Variants in RBM47 observed in about 807,000 individuals in gnomAD.
RBM47 encodes the protein RNA-binding protein 47.
Under a neutral mutation model 47.1 loss-of-function variants are expected in RBM47, and 21 were observed. That is an observed-to-expected ratio of 0.45 (90% confidence interval 0.32 to 0.64). RBM47 has a LOEUF of 0.64. Among genes scored for constraint, RBM47 ranks in the 30% least tolerant of loss-of-function variants. The probability of loss-of-function intolerance (pLI) is 0.05; values close to 1 mark genes in which losing one functional copy is unlikely to be tolerated. For synonymous variants in RBM47, 375 were observed against 361.7 expected, an observed-to-expected ratio of 1.04 and a Z score of -0.42; for missense variants, 708 against 870.9, an observed-to-expected ratio of 0.81 and a Z score of 2.35.
At chr4:40,459,418 G>C (rs1039516697) in intron 3 of RBM47, among the ~76,000 whole-genome samples, 2 of 152,046 alleles carry the variant, frequency 1.3e-5, no homozygotes, top group African/African-American at 2.4e-5. Context: ...TTTTGTGGGA[G>C]AGCCGTGCAT....
At chr4:40,539,089 T>C (rs1319425747) in intron 2 of RBM47, among the ~76,000 whole-genome samples, 1 of 152,212 alleles carries the variant, frequency 6.6e-6, no homozygotes, top group East Asian at 1.9e-4. Context: ...AATTAAATTA[T>C]AGGCCACTTT....
intron 1 of RBM47, among the ~76,000 whole-genome samples, chr4:40,610,610 CAAAA>C (rs34149753): frequency 5.7e-5 from 3 of 52,804 alleles, no homozygotes; most frequent in Non-Finnish European, 8.6e-5. Flanking sequence ...GACTCCATCT[CAAAA>C]AAAAAAAAAA....
At chr4:40,575,951 A>C (rs1732255914) in intron 1 of RBM47, among the ~76,000 whole-genome samples, 1 of 152,214 alleles carries the variant, frequency 6.6e-6, no homozygotes, top group Non-Finnish European at 1.5e-5. Context: ...GGAAGCCCAG[A>C]AGAAATGGGG....
chr4:40,449,010 C>T (rs1345859824), intron 3 of RBM47, among the ~76,000 whole-genome samples: 1 of 152,184 alleles, frequency 6.6e-6, no homozygotes, highest in Non-Finnish European at 1.5e-5. Flanking sequence ...TATCTTACTG[C>T]CTTGGTCCAA....
intron 2 of RBM47, among the ~76,000 whole-genome samples, chr4:40,532,308 CA>C (rs1727472992): frequency 1.8e-5 from 2 of 111,884 alleles, no homozygotes; most frequent in African/African-American, 7.7e-5. Context: ...CCACGCCCGG[CA>C]TTTTTTTTTT....
chr4:40,590,178 G>A (rs1283485246), intron 1 of RBM47, among the ~76,000 whole-genome samples: 1 of 152,162 alleles, frequency 6.6e-6, no homozygotes, highest in Non-Finnish European at 1.5e-5. Context: ...CTAGACGTGT[G>A]CACGCCTGTG....
chr4:40,476,640 A>G (rs1442488612), intron 2 of RBM47, among the ~76,000 whole-genome samples: 8 of 152,112 alleles, frequency 5.3e-5, no homozygotes, highest in Non-Finnish European at 4.4e-5. Context: ...TATGGGATGG[A>G]ACCTCATCGA....
At chr4:40,630,450 G>C (rs1738127912), upstream of RBM47, 1 of 152,190 alleles carries the variant, frequency 6.6e-6, no homozygotes, top group Non-Finnish European at 1.5e-5. Context: ...GCGAGCTCCC[G>C]GGGCGTCCTT....
chr4:40,499,909 C>CTA (rs1723114868), intron 2 of RBM47, among the ~76,000 whole-genome samples: 2 of 152,202 alleles, frequency 1.3e-5, no homozygotes, highest in Non-Finnish European at 2.9e-5. Context: ...TTATAACCCT[C>CTA]TATAAACTTT....
chr4:40,583,863 AAAAAAAAC>A (rs1020545382), intron 1 of RBM47, among the ~76,000 whole-genome samples: 9 of 130,112 alleles, frequency 6.9e-5, no homozygotes, highest in East Asian at 2.1e-4. Context: ...GTCTCAAAAA[AAAAAAAAC>A]AAAAAACAAA....
chr4:40,535,866 A>T (rs1190947161), intron 2 of RBM47, among the ~76,000 whole-genome samples: 1 of 151,064 alleles, frequency 6.6e-6, no homozygotes, highest in Non-Finnish European at 1.5e-5. Context: ...CCTCGTATAT[A>T]TTTTTTTTCC....
intron 1 of RBM47, among the ~76,000 whole-genome samples, chr4:40,606,197 CA>C (rs373716711): frequency 6.6e-5 from 7 of 106,596 alleles, no homozygotes; most frequent in Non-Finnish European, 9.8e-5. Context: ...GACGTCATCT[CA>C]AAAAAAAAAC....
intron 1 of RBM47, among the ~76,000 whole-genome samples, chr4:40,570,601 T>C (rs765983178): frequency 6.6e-5 from 10 of 151,888 alleles, no homozygotes; most frequent in South Asian, 2.1e-4. Flanking sequence ...GAACCCCTGA[T>C]CTAAAGGGCG....
Position 40,423,475 on chromosome 4 carries a change from C to T in RBM47, c.*2429G>A. On this transcript the variant is annotated 3_prime_UTR_variant, in exon 7 of 7. Transcript: ENST00000295971. ...CTTAACACTAAAAAAAAAAAAAGTT[C>T]ACATTTCAAGTTATAAACTTACCTC... The T allele has an allele frequency of 6.7e-6, 1 of 150,084 alleles. No homozygotes were observed. 9.3% of individuals were successfully genotyped at this position (150,084 alleles called of 1,614,324 possible). A position where few individuals can be genotyped will look rare whatever the true frequency, so the allele number is the denominator to read the frequency against.
chr4:40,555,138 T>A (rs908046518), intron 1 of RBM47, among the ~76,000 whole-genome samples: 4 of 152,192 alleles, frequency 2.6e-5, no homozygotes, highest in African/African-American at 7.2e-5. Context: ...GGTTTCACTA[T>A]GTTGGCCAGG....
chr4:40,610,000 G>C (rs1441308040), intron 1 of RBM47, among the ~76,000 whole-genome samples: 1 of 152,122 alleles, frequency 6.6e-6, no homozygotes, highest in Non-Finnish European at 1.5e-5. Context: ...GCTGAGGCAG[G>C]AGAATTGCTT....
rs11311627 is a variant in RBM47 at position 40,540,659 on chromosome 4, AT to A, written c.-155+3762del. Among the ~76,000 whole-genome samples the A allele has an allele frequency of 8.3e-3, 1,035 of 124,080 alleles. 18 individuals are homozygous for A. The highest frequency in any genetic ancestry group is 0.034 in the African/African-American group (858 of 25,160). 81.4% of individuals were successfully genotyped at this position (124,080 alleles called of 152,430 possible). On this transcript the variant is annotated intron_variant, in intron 2 of 6. Transcript: ENST00000295971. ...GTCTCAAAAAAAAAAAAAAATAATA[AT>A]AATAATAATAATAATAATAAATGGG... is the stretch of plus-strand genomic sequence containing the variant.
At chr4:40,563,594 AAAGG>A (rs1375946140) in intron 1 of RBM47, among the ~76,000 whole-genome samples, 1 of 152,200 alleles carries the variant, frequency 6.6e-6, no homozygotes. Context: ...TGGGGGCCCC[AAAGG>A]AAGGCCTTTC....
chr4:40,574,783 G>A (rs893292656), intron 1 of RBM47, among the ~76,000 whole-genome samples: 8 of 152,220 alleles, frequency 5.3e-5, no homozygotes, highest in Non-Finnish European at 8.8e-5. Context: ...CCCGGAGGCA[G>A]AGGTTGCATT....
Sources: allele counts gnomAD v4.1 joint callset (sites outside exome capture counted in the v4.1 genomes callset), GRCh38; gene constraint gnomAD v4.1.1; transcripts MANE v1.5; gene names NCBI Gene and HGNC (gene_info 2026-07-23, HGNC 2026-07-21).